ROBO1: variants seen among roughly 807,000 people sequenced by gnomAD.
ROBO1 encodes the protein roundabout guidance receptor 1, also known as roundabout homolog 1.
In ROBO1, 149 loss-of-function variants were observed where a neutral mutation model predicts 195.9. The observed-to-expected ratio is 0.76, with a 90% CI of 0.67 to 0.87. The LOEUF (loss-of-function observed/expected upper bound fraction) is 0.87. ROBO1 is among the 40% of genes least tolerant of loss of function. ROBO1 has a pLI of 0.00. For missense variants in ROBO1, 1,933 were observed against 2,068.3 expected, an observed-to-expected ratio of 0.93 and a Z score of 1.27; for synonymous variants, 816 against 733.2, an observed-to-expected ratio of 1.11 and a Z score of -1.82.
chr3:78,983,953 G>A (rs1157740091), intron 3 of ROBO1, among the ~76,000 whole-genome samples: 1 of 152,088 alleles, frequency 6.6e-6, no homozygotes, highest in Non-Finnish European at 1.5e-5. Context: ...ATGTGGAAGT[G>A]GCAAAGTCCA....
In ROBO1 at chr3:78,717,883, T is replaced by G; in HGVS notation, c.658A>C (p.Ile220Leu). Residue 220 changes from isoleucine to leucine, a missense_variant and splice_region_variant, in exon 6 of 31, where the codon ATA (isoleucine) becomes CTA (leucine). Coordinates refer to ENST00000464233, the MANE Select transcript of ROBO1 (RefSeq NM_002941.4). ...GTGATCATGAGCTTTCCTCCTCGTATCTTAAAAAAAAAGTTTCACAGGAAT... is the reference window on the plus strand; with the variant it reads ...GTGATCATGAGCTTTCCTCCTCGTAGCTTAAAAAAAAAGTTTCACAGGAAT... The part of the protein sequence containing the change: ...PLDDKDERIT[I>L]RGGKLMITYT... The G allele has an allele frequency of 6.2e-7, 1 of 1,612,374 alleles. No homozygotes were observed. Among genetic ancestry groups the G allele is most frequent in the South Asian group, 1.1e-5 (1 of 90,960 alleles).
intron 3 of ROBO1, among the ~76,000 whole-genome samples, chr3:79,081,851 A>C (rs2079280751): frequency 6.6e-6 from 1 of 152,182 alleles, no homozygotes; most frequent in Non-Finnish European, 1.5e-5. Context: ...ATGCAACGTC[A>C]AGAAAATTTA....
chr3:78,615,235 G>C (rs1175848983), intron 27 of ROBO1, among the ~76,000 whole-genome samples: 1 of 152,132 alleles, frequency 6.6e-6, no homozygotes, highest in Non-Finnish European at 1.5e-5. Flanking sequence ...AAAATGAACA[G>C]TACTAATGGC....
intron 2 of ROBO1, among the ~76,000 whole-genome samples, chr3:79,203,273 A>T (rs948577938): frequency 3.9e-5 from 6 of 152,166 alleles, no homozygotes; most frequent in African/African-American, 1.4e-4. Flanking sequence ...TTCTATATCA[A>T]AGCCATCTTG....
chr3:78,682,123 T>C (rs1202384786), intron 10 of ROBO1, among the ~76,000 whole-genome samples: 5 of 152,086 alleles, frequency 3.3e-5, no homozygotes, highest in African/African-American at 1.2e-4. Flanking sequence ...TAGCCAACAT[T>C]GTATCTGGTG....
At chr3:79,723,680 A>G (rs1167303272) in intron 1 of ROBO1, among the ~76,000 whole-genome samples, 2 of 152,322 alleles carry the variant, frequency 1.3e-5, no homozygotes, top group African/African-American at 4.8e-5. Context: ...TCAAAGTAAT[A>G]TTAAGAGTCA....
intron 2 of ROBO1, among the ~76,000 whole-genome samples, chr3:79,197,328 G>A (rs1316019646): frequency 1.3e-5 from 2 of 151,910 alleles, no homozygotes; most frequent in Non-Finnish European, 2.9e-5. Flanking sequence ...TTAGAATGAA[G>A]GTTTCCAGCT....
At chr3:79,233,759 A>G (rs2082359001) in intron 2 of ROBO1, among the ~76,000 whole-genome samples, 1 of 151,782 alleles carries the variant, frequency 6.6e-6, no homozygotes, top group Non-Finnish European at 1.5e-5. Context: ...AAATCTCCCA[A>G]CTCCTTTCTG....
At chr3:79,507,335 G>C (rs1043810809) in intron 2 of ROBO1, among the ~76,000 whole-genome samples, 2 of 152,112 alleles carry the variant, frequency 1.3e-5, no homozygotes, top group South Asian at 2.1e-4. Flanking sequence ...CAAACTATCG[G>C]GACCATTAGA....
At chr3:79,457,163 A>G (rs1318328520) in intron 2 of ROBO1, among the ~76,000 whole-genome samples, 3 of 152,196 alleles carry the variant, frequency 2.0e-5, no homozygotes, top group Non-Finnish European at 4.4e-5. Flanking sequence ...AAGGCATACA[A>G]TCACAGAAAA....
chr3:78,701,606 A>C (rs1372840013), intron 8 of ROBO1, among the ~76,000 whole-genome samples: 1 of 152,198 alleles, frequency 6.6e-6, no homozygotes, highest in Non-Finnish European at 1.5e-5. Flanking sequence ...GGGGGAGTTA[A>C]AAGCCTAAGG....
At chr3:79,142,981 G>A (rs372019861) in intron 2 of ROBO1, among the ~76,000 whole-genome samples, 2 of 152,180 alleles carry the variant, frequency 1.3e-5, no homozygotes, top group East Asian at 3.9e-4. Flanking sequence ...TTTGGCATTT[G>A]AAAATGCCTT....
chr3:79,485,460 T>A (rs1320674049), intron 2 of ROBO1, among the ~76,000 whole-genome samples: 4 of 152,180 alleles, frequency 2.6e-5, no homozygotes, highest in Non-Finnish European at 5.9e-5. Context: ...GTTCCTACAC[T>A]AAATGTTAAC....
At chr3:79,478,275 A>G (rs1401000493) in intron 2 of ROBO1, among the ~76,000 whole-genome samples, 2 of 152,116 alleles carry the variant, frequency 1.3e-5, no homozygotes, top group African/African-American at 4.8e-5. Context: ...TGATGTTCTT[A>G]TGGGGCTCAT....
chr3:79,482,036 T>C (rs1247232776), intron 2 of ROBO1, among the ~76,000 whole-genome samples: 1 of 152,170 alleles, frequency 6.6e-6, no homozygotes, highest in Non-Finnish European at 1.5e-5. Context: ...TAAATTTCAA[T>C]TTATAAATAG....
At chr3:79,215,682 A>AT (rs1216409336) in intron 2 of ROBO1, among the ~76,000 whole-genome samples, 2 of 152,220 alleles carry the variant, frequency 1.3e-5, no homozygotes, top group African/African-American at 2.4e-5. Context: ...TTAAAGTCTG[A>AT]TTGGTGAGCA....
chr3:79,138,089 A>G (rs2080449677), intron 2 of ROBO1, among the ~76,000 whole-genome samples: 1 of 152,116 alleles, frequency 6.6e-6, no homozygotes, highest in Admixed American at 6.5e-5. Flanking sequence ...ATGTTTTAAA[A>G]TATATTGATT....
chr3:78,885,909 TTATATATATATATATA>T (rs10651992), intron 4 of ROBO1, among the ~76,000 whole-genome samples: 14 of 117,746 alleles, frequency 1.2e-4, no homozygotes, highest in Middle Eastern at 0.013. Context: ...TAGCAAAATT[TTATATATATATATATA>T]TATATATATA....
intron 2 of ROBO1, among the ~76,000 whole-genome samples, chr3:79,465,928 T>G (rs1937932489): frequency 1.3e-5 from 2 of 152,120 alleles, no homozygotes; most frequent in South Asian, 4.1e-4. Context: ...CAATGATCTT[T>G]AGAATGCTCT....
Sources: gnomAD v4.1 joint callset for allele counts (sites outside exome capture counted in the v4.1 genomes callset) on GRCh38, gnomAD v4.1.1 for gene constraint, MANE v1.5 for transcripts, NCBI Gene and HGNC (gene_info 2026-07-23, HGNC 2026-07-21) for gene names.